The following DDC variants were observed in gnomAD, a reference collection of about 807,000 sequenced individuals.
DDC encodes the protein aromatic-L-amino-acid decarboxylase.
DDC carries 43 observed loss-of-function variants against 60.0 expected under a neutral mutation model. That is an observed-to-expected ratio of 0.72 (90% CI 0.56 to 0.92). The LOEUF is 0.92. DDC is among the 40% of genes least tolerant of loss of function. DDC has a pLI of 0.00. For missense variants in DDC, 573 were observed against 620.2 expected, an observed-to-expected ratio of 0.92 and a Z score of 0.81; for synonymous variants, 232 against 234.6, an observed-to-expected ratio of 0.99 and a Z score of 0.10.
At chr7:50,509,194 G>C (rs1563013823) in intron 6 of DDC, among the ~76,000 whole-genome samples, 2 of 151,920 alleles carry the variant, frequency 1.3e-5, no homozygotes, top group Non-Finnish European at 2.9e-5. Context: ...CCGGTGCATG[G>C]GGCAGTCTAC....
intron 3 of DDC, 39 bp from the exon 4 acceptor site, chr7:50,538,018 G>T (rs776127586): frequency 1.2e-6 from 2 of 1,613,884 alleles, no homozygotes; most frequent in African/African-American, 2.7e-5. Flanking sequence ...CGAGGGCCAG[G>T]CATTGCAGAA....
At chr7:50,559,170 A>T (rs2045275943) in intron 1 of DDC, among the ~76,000 whole-genome samples, 1 of 152,222 alleles carries the variant, frequency 6.6e-6, no homozygotes, top group Admixed American at 6.5e-5. Context: ...CAATGCGAAG[A>T]GGCTGAGGGA....
At chr7:50,482,433 T>C (rs1411366437) in intron 9 of DDC, among the ~76,000 whole-genome samples, 4 of 152,228 alleles carry the variant, frequency 2.6e-5, no homozygotes, top group African/African-American at 9.6e-5. Flanking sequence ...GAAGCCCTAA[T>C]TGGAATATGT....
intron 9 of DDC, among the ~76,000 whole-genome samples, chr7:50,494,427 C>A (rs2043077397): frequency 6.6e-6 from 1 of 151,944 alleles, no homozygotes; most frequent in South Asian, 2.1e-4. Context: ...TGGCATGAAC[C>A]TGGGAAGCGG....
chr7:50,499,154 T>A lies in DDC; in HGVS notation c.870A>T (p.Gly290=). The A allele has an allele frequency of 6.2e-7, 1 of 1,612,760 alleles. No individual in the cohort carries two copies. Among genetic ancestry groups the A allele is most frequent in the Non-Finnish European group, 8.5e-7 (1 of 1,178,816 alleles). Residue 290 remains glycine (G), a synonymous_variant, in exon 8 of 15, where the codon GGA becomes GGT. Transcript: ENST00000444124. ...ICPEFRHLLN[G]VEFADSFNFN... is the part of the protein sequence containing the mutation. ...GAGCGAAGGGTGCACCTACCTCCAC[T>A]CCATTCAGAAGGTGCCGGAACTCAG...
At chr7:50,494,861 C>A (rs1232656527) in intron 9 of DDC, among the ~76,000 whole-genome samples, 1 of 151,962 alleles carries the variant, frequency 6.6e-6, no homozygotes, top group Admixed American at 6.6e-5. Flanking sequence ...CGGGGTTTTA[C>A]CATGTTGGCC....
intron 6 of DDC, among the ~76,000 whole-genome samples, chr7:50,509,124 G>C (rs1012245207): frequency 6.6e-6 from 1 of 152,058 alleles, no homozygotes; most frequent in Admixed American, 6.6e-5. Context: ...TCCCCACCAA[G>C]AACCATGCCA....
intron 7 of DDC, 42 bp from the exon 8 acceptor site, chr7:50,499,284 T>C: frequency 7.0e-7 from 1 of 1,424,982 alleles, no homozygotes; most frequent in Middle Eastern, 1.8e-4. Flanking sequence ...GATGGATGCC[T>C]CACCACGGAG....
rs113158321 is a variant in DDC, at chr7:50,543,808, A to G, written c.201+77T>C. On this transcript the variant is annotated intron_variant, in intron 2 of 14. Transcript: ENST00000444124. Reference sequence around the variant, plus strand: ...CCATAGGGATTCCTTGAAACAAAGTATGTGAATTGCTCAGAGCCAAGTAGG... The same window carrying G: ...CCATAGGGATTCCTTGAAACAAAGTGTGTGAATTGCTCAGAGCCAAGTAGG... 56 of 1,369,818 alleles carry G rather than the reference A, an allele frequency of 4.1e-5. No homozygotes were observed. In the African/African-American group the frequency reaches 4.3e-4, roughly 10 times the overall value. The allele number at this position is 1,369,818 out of a possible 1,614,324, so 84.9% of individuals were successfully genotyped here. A position where few individuals can be genotyped will look rare whatever the true frequency, so the allele number is the denominator to read the frequency against.
At chr7:50,499,036 G>T in intron 8 of DDC, 112 bp downstream of exon 8, 2 of 864,864 alleles carry the variant, frequency 2.3e-6, no homozygotes, top group East Asian at 2.5e-5. Flanking sequence ...AAACATAATT[G>T]GCTGAAACAA....
At chr7:50,486,689 G>C (rs1034575598) in intron 9 of DDC, among the ~76,000 whole-genome samples, 1 of 152,072 alleles carries the variant, frequency 6.6e-6, no homozygotes, top group African/African-American at 2.4e-5. Flanking sequence ...CCTTTAAGAG[G>C]TGATTTAGTA....
chr7:50,553,205 A>T (rs1274891270), intron 1 of DDC, among the ~76,000 whole-genome samples: 1 of 152,218 alleles, frequency 6.6e-6, no homozygotes, highest in Non-Finnish European at 1.5e-5. Context: ...CACGCAAGAC[A>T]TGATTTTGCT....
intron 1 of DDC, among the ~76,000 whole-genome samples, chr7:50,562,663 G>T (rs2045367403): frequency 6.6e-6 from 1 of 152,210 alleles, no homozygotes; most frequent in Non-Finnish European, 1.5e-5. Flanking sequence ...GGGCTGCAGT[G>T]GGTGACTGAG....
At chr7:50,467,430 A>G (rs2153533828) in intron 12 of DDC, 115 bp from the exon 13 acceptor site, 1 of 865,392 alleles carries the variant, frequency 1.2e-6, no homozygotes, top group Non-Finnish European at 1.9e-6. Context: ...GCTCTTGGCA[A>G]TTTTCCTCAA....
chr7:50,511,293 C>A (rs566416830), intron 6 of DDC, among the ~76,000 whole-genome samples: 3 of 139,980 alleles, frequency 2.1e-5, no homozygotes, highest in South Asian at 4.6e-4. Flanking sequence ...GAGTACTATG[C>A]GACTTTTTTT....
At chr7:50,547,208 C>CT (rs111652957) in intron 1 of DDC, among the ~76,000 whole-genome samples, 140 of 148,204 alleles carry the variant, frequency 9.4e-4, no homozygotes, top group East Asian at 3.6e-3. Context: ...TTTTCTTTTT[C>CT]TTTTTTTTTT....
At chr7:50,559,616 T>C (rs543999305) in intron 1 of DDC, among the ~76,000 whole-genome samples, 2 of 152,252 alleles carry the variant, frequency 1.3e-5, no homozygotes, top group African/African-American at 4.8e-5. Flanking sequence ...TTAGTAGAGA[T>C]ACGGTTCCAC....
chr7:50,501,874 G>A (rs1430904613), intron 7 of DDC, among the ~76,000 whole-genome samples: 2 of 152,136 alleles, frequency 1.3e-5, no homozygotes, highest in African/African-American at 4.8e-5. Flanking sequence ...AGGAGTCTGA[G>A]ACCAGCCTGG....
chr7:50,557,902 G>T (rs1585295504), intron 1 of DDC, among the ~76,000 whole-genome samples: 1 of 152,296 alleles, frequency 6.6e-6, no homozygotes, highest in African/African-American at 2.4e-5. Context: ...ATCTCTGTAA[G>T]CTTTGCTCCT....
Sources: allele counts gnomAD v4.1 joint callset (sites outside exome capture counted in the v4.1 genomes callset), GRCh38; gene constraint gnomAD v4.1.1; transcripts MANE v1.5; gene names NCBI Gene and HGNC (gene_info 2026-07-23, HGNC 2026-07-21).